The following FARP1 variants were observed in gnomAD, a reference collection of about 807,000 sequenced individuals.
FARP1 encodes the protein FERM, ARH/RhoGEF and pleckstrin domain protein 1, also known as FERM, ARHGEF and pleckstrin domain-containing protein 1.
Under a neutral mutation model 128.8 loss-of-function variants are expected in FARP1, and 52 were observed. The ratio of observed to expected loss-of-function variants is 0.40; its 90% CI spans 0.32 to 0.51. The LOEUF is 0.51. FARP1 is among the 20% of genes least tolerant of loss of function. FARP1 has a pLI of 0.45. For synonymous variants in FARP1, 580 were observed against 551.8 expected (o/e 1.05, Z -0.72); for missense variants, 1,333 against 1,367.9 (o/e 0.97, Z 0.40).
chr13:98,327,812 C>A (rs1187740996), intron 2 of FARP1, among the ~76,000 whole-genome samples: 1 of 152,126 alleles, frequency 6.6e-6, no homozygotes, highest in Non-Finnish European at 1.5e-5. Flanking sequence ...GCCTGCAAAG[C>A]GGGCATTCTG....
intron 3 of FARP1, among the ~76,000 whole-genome samples, chr13:98,350,579 C>T (rs1302106770): frequency 6.6e-6 from 1 of 152,152 alleles, no homozygotes; most frequent in Non-Finnish European, 1.5e-5. Flanking sequence ...TCTGGACTTG[C>T]ATCTACCACA....
intron 16 of FARP1, among the ~76,000 whole-genome samples, chr13:98,417,161 C>T (rs1323405080): frequency 2.6e-5 from 4 of 151,828 alleles, no homozygotes; most frequent in Non-Finnish European, 2.9e-5. Context: ...CATACAAGTA[C>T]GATAAGGGAA....
chr13:98,380,571 A>C (rs1312020601), intron 6 of FARP1, among the ~76,000 whole-genome samples: 1 of 152,058 alleles, frequency 6.6e-6, no homozygotes, highest in Admixed American at 6.6e-5. Flanking sequence ...GTTCACTATA[A>C]ATATATCCCC....
At chr13:98,329,112 C>T (rs1490243048) in intron 2 of FARP1, 2 of 152,226 alleles carry the variant, frequency 1.3e-5, no homozygotes, top group African/African-American at 4.8e-5. Flanking sequence ...CTGCCTATCA[C>T]AGCTTGTGAT....
chr13:98,262,369 G>A (rs958898076), intron 2 of FARP1, among the ~76,000 whole-genome samples: 3 of 152,000 alleles, frequency 2.0e-5, no homozygotes, highest in Non-Finnish European at 4.4e-5. Context: ...CCAGGCTCCA[G>A]ACATGTAATG....
At position 98,176,331 on chromosome 13, in the gene FARP1, G is replaced by A; in HGVS notation, c.-24+32839G>A. 3.1e-6 allele frequency: 5 copies of A among 1,613,984 alleles called. No individual in the cohort carries two copies. The highest frequency in any genetic ancestry group is 4.2e-6 in the Non-Finnish European group (5 of 1,179,832). ...GTTTCGCCATCAGTTCTTTGGCGGG[G>A]TTAAAGATGCCGCCGGTTGGCTGGT... On this transcript the variant is annotated intron_variant, in intron 1 of 26. Transcript: ENST00000319562. The surrounding 1 kb of genome is among the most constrained non-coding windows in gnomAD (Gnocchi z 6.2).
At chr13:98,259,301 CTATA>C (rs748459658) in intron 2 of FARP1, among the ~76,000 whole-genome samples, 1 of 148,890 alleles carries the variant, frequency 6.7e-6, no homozygotes, top group Non-Finnish European at 1.5e-5. Context: ...ATAATACTCT[CTATA>C]TAGAGTGTAC....
Position 98,439,195 on chromosome 13 carries a change from C to T in FARP1, c.2432C>T (p.Thr811Met), listed in dbSNP as rs192616500. 147 of 1,610,128 alleles carry T rather than the reference C, an allele frequency of 9.1e-5. 2 individuals carry two copies. The highest frequency in any genetic ancestry group is 2.6e-4 in the South Asian group (24 of 90,610). The part of the protein sequence containing the change: ...VHGQLPLYGM[T>M]IEESEDEWGV... ...GGGCAGCTCCCGCTCTATGGCATGA[C>T]GGTGAGTACAGCACAGGCTCGTGGC... The change falls in exon 21 of 27, where the codon ACG becomes ATG. Residue 811 changes from threonine (T) to methionine (M), a missense_variant and splice_region_variant. Physicochemically the swap from Thr to Met is moderately conservative, Grantham distance 81. Around this residue, in one of 2 missense-constraint regions of FARP1, gnomAD observed 1,009 missense variants for 969.8 expected, o/e 1.04. Coordinates refer to ENST00000319562, the MANE Select transcript of FARP1 (RefSeq NM_005766.4).
chr13:98,190,805 C>T (rs2059959266), intron 1 of FARP1, among the ~76,000 whole-genome samples: 1 of 151,650 alleles, frequency 6.6e-6, no homozygotes, highest in Admixed American at 6.6e-5. Flanking sequence ...GCTTGGCCTC[C>T]CAAAGTGCTT....
At position 98,278,350 on chromosome 13, in the gene FARP1, C is replaced by A. The variant is rs1219523269; in HGVS notation, c.171+64937C>A. On this transcript the variant is annotated intron_variant, in intron 2 of 26. Transcript: ENST00000319562. ...GTGTATATGTGTGTGAGTGTGAATG[C>A]GAGAGTATATTGTGTTTAAGTGCGT... Among the ~76,000 whole-genome samples, 3 of 151,622 alleles carry A rather than the reference C, an allele frequency of 2.0e-5. No individual in the cohort carries two copies. In the East Asian group the frequency reaches 5.8e-4, roughly 29 times the overall value.
intron 2 of FARP1, among the ~76,000 whole-genome samples, chr13:98,315,919 A>G (rs614880): frequency 0.34 from 51,753 of 152,080 alleles, 10,011 homozygotes; most frequent in Non-Finnish European, 0.44. Flanking sequence ...TCTTATTGTC[A>G]TTGATAATCT....
chr13:98,231,826 AT>A (rs1882131428), intron 2 of FARP1, among the ~76,000 whole-genome samples: 1 of 151,696 alleles, frequency 6.6e-6, no homozygotes, highest in Non-Finnish European at 1.5e-5. Flanking sequence ...CTTTTGCTTT[AT>A]TTTTATTTAA....
chr13:98,312,460 G>A (rs1323067102), intron 2 of FARP1, among the ~76,000 whole-genome samples: 1 of 152,114 alleles, frequency 6.6e-6, no homozygotes, highest in African/African-American at 2.4e-5. Context: ...TTTTTAAGGT[G>A]GTCATAGCTC....
At chr13:98,373,439 C>G (rs186437015) in intron 5 of FARP1, among the ~76,000 whole-genome samples, 67 of 152,002 alleles carry the variant, frequency 4.4e-4, no homozygotes, top group Admixed American at 3.2e-3. Flanking sequence ...TATAATCCAG[C>G]ACGATAGTTT....
At position 98,153,819 on chromosome 13, in the gene FARP1, T is replaced by G. The variant is rs1876304930; in HGVS notation, c.-24+10327T>G. On this transcript the variant is annotated intron_variant, in intron 1 of 26. Coordinates refer to ENST00000319562, the MANE Select transcript of FARP1 (RefSeq NM_005766.4). ...CTTAGGTGATCCGCCTGCCTCAGCC[T>G]CCCAAAGTGCTGGGATTACAGATGC... Among the ~76,000 whole-genome samples the G allele has an allele frequency of 2.6e-5, 4 of 152,082 alleles. No individual in the cohort carries two copies. The South Asian group carries it at 8.3e-4, about 32-fold the overall frequency.
At chr13:98,149,904 A>G (rs1875862684) in intron 1 of FARP1, among the ~76,000 whole-genome samples, 1 of 150,094 alleles carries the variant, frequency 6.7e-6, no homozygotes, top group South Asian at 2.1e-4. Flanking sequence ...TGCCCGGCTA[A>G]TTTTTTGTAT....
intron 1 of FARP1, among the ~76,000 whole-genome samples, chr13:98,182,166 T>C (rs1268870816): frequency 6.6e-6 from 1 of 152,162 alleles, no homozygotes; most frequent in Non-Finnish European, 1.5e-5. Context: ...GTGTGAAGGA[T>C]TGTAACATTT....
chr13:98,400,954 A>C (rs1890738168), intron 13 of FARP1: 1 of 151,718 alleles, frequency 6.6e-6, no homozygotes, highest in African/African-American at 2.4e-5. Flanking sequence ...AGTTATTTAT[A>C]TCTTACTGCT....
At chr13:98,445,806 C>G (rs1274263103) in intron 24 of FARP1, 1 of 292,078 alleles carries the variant, frequency 3.4e-6, no homozygotes, top group Non-Finnish European at 6.5e-6. Flanking sequence ...TGCAACGAGC[C>G]TATTTCCAAA....
Sources: allele counts gnomAD v4.1 joint callset (sites outside exome capture counted in the v4.1 genomes callset), GRCh38; gene constraint gnomAD v4.1.1; regional missense constraint gnomAD v4.1.1; non-coding constraint Gnocchi (gnomAD v3.1); transcripts MANE v1.5; gene names NCBI Gene and HGNC (gene_info 2026-07-23, HGNC 2026-07-21).